NF2: variants seen among roughly 807,000 people sequenced by gnomAD.
NF2 encodes merlin.
NF2 carries 8 observed loss-of-function variants against 83.7 expected under a neutral mutation model. That is an observed-to-expected ratio of 0.10 (90% CI 0.06 to 0.17). NF2 has a LOEUF of 0.17. Ranked by LOEUF, NF2 falls within the 10% of genes least tolerant of loss-of-function variation. The pLI is 1.00. For synonymous variants in NF2, 266 were observed against 269.6 expected, an observed-to-expected ratio of 0.99 and a Z score of 0.13; for missense variants, 533 against 744.4, an observed-to-expected ratio of 0.72 and a Z score of 3.31.
intron 6 of NF2, among the ~76,000 whole-genome samples, chr22:29,656,548 A>G (rs2066316317): frequency 6.6e-6 from 1 of 150,638 alleles, no homozygotes; most frequent in Non-Finnish European, 1.5e-5. Context: ...AGTAGCTGGG[A>G]CTACAGGCAC....
chr22:29,607,020 G>T (rs2064815507), intron 1 of NF2, among the ~76,000 whole-genome samples: 1 of 152,070 alleles, frequency 6.6e-6, no homozygotes, highest in Non-Finnish European at 1.5e-5. Context: ...CTCCAGCCTG[G>T]GTGACAGTGA....
intron 9 of NF2, among the ~76,000 whole-genome samples, chr22:29,666,418 C>T (rs2066624820): frequency 1.3e-5 from 2 of 152,014 alleles, no homozygotes; most frequent in South Asian, 2.1e-4. Flanking sequence ...GGATTACAGG[C>T]GTGAGCCACT....
intron 10 of NF2, among the ~76,000 whole-genome samples, chr22:29,669,407 G>A (rs2066717392): frequency 6.6e-6 from 1 of 152,190 alleles, no homozygotes; most frequent in African/African-American, 2.4e-5. Context: ...ACTTTGGGAG[G>A]CCAAGGCAGG....
At position 29,668,451 on chromosome 22, in the gene NF2, G is replaced by A. The variant is rs188515579; in HGVS notation, c.999+5G>A. On this transcript the variant is annotated splice_donor_5th_base_variant and intron_variant, in intron 10 of 15. Coordinates refer to ENST00000338641, the MANE Select transcript of NF2 (RefSeq NM_000268.4). ...GAGGAGAAGGCTAGAAAGCAGGTGA[G>A]CACAACCTTGTTTTAACTGATGATG... The A allele has an allele frequency of 6.2e-7, 1 of 1,606,764 alleles. No homozygotes were observed. Among genetic ancestry groups the A allele is most frequent in the African/African-American group, 1.3e-5 (1 of 74,906 alleles).
At chr22:29,674,142 G>T (rs1239925627) in intron 12 of NF2, among the ~76,000 whole-genome samples, 4 of 152,218 alleles carry the variant, frequency 2.6e-5, no homozygotes, top group Non-Finnish European at 4.4e-5. Context: ...CTACCAAGGT[G>T]CATTCACTAC....
intron 10 of NF2, 121 bp downstream of exon 10, chr22:29,668,567 A>G (rs2066694659): frequency 1.4e-6 from 1 of 737,414 alleles, no homozygotes. Flanking sequence ...CTCTTGTTTT[A>G]TACCTTTTGG....
chr22:29,644,161 A>G (rs1361617837), intron 4 of NF2, among the ~76,000 whole-genome samples: 5 of 148,878 alleles, frequency 3.4e-5, no homozygotes, highest in East Asian at 2.0e-4. Flanking sequence ...CTCACTTCAC[A>G]GACGGGGCGG....
rs149362672 is a variant in NF2 at position 29,687,463 on chromosome 22, C to T, written c.1737+5862C>T. Among the ~76,000 whole-genome samples the T allele has an allele frequency of 1.1e-4, 16 of 152,218 alleles. No individual in the cohort carries two copies. The East Asian group carries it at 1.7e-3, about 17-fold the overall frequency. On this transcript the variant is annotated intron_variant, in intron 15 of 15. Coordinates refer to ENST00000338641, the MANE Select transcript of NF2 (RefSeq NM_000268.4). ...GAAGTAGAACAGTTAAAAAAACACC[C>T]GGGGAAGTGATAAATCACAGAGAGA...
Position 29,673,394 on chromosome 22 carries a change from G to A in NF2, c.1248G>A (p.Ala416=), listed in dbSNP as rs759993776. ...AAATGCAGCGCATCAAGGCCACAGCGATTCGCACGGAGGAGGAGAAGCGCC... is the reference window on the plus strand; with the variant it reads ...AAATGCAGCGCATCAAGGCCACAGCAATTCGCACGGAGGAGGAGAAGCGCC... ...EQEMQRIKAT[A]IRTEEEKRLM... is the part of the protein sequence containing the mutation. The change falls in exon 12 of 16, where the codon GCG becomes GCA. Residue 416 remains alanine (A), a synonymous_variant. Transcript: ENST00000338641. The A allele has an allele frequency of 3.0e-5, 48 of 1,612,048 alleles. No individual in the cohort carries two copies. The Admixed American group carries it at 3.0e-4, about 10-fold the overall frequency.
chr22:29,683,082 A>T (rs1201070056), intron 15 of NF2: 4 of 1,613,986 alleles, frequency 2.5e-6, no homozygotes, highest in Admixed American at 3.3e-5. Flanking sequence ...GTTCCCAGGT[A>T]CTCTCTATGT....
intron 15 of NF2, among the ~76,000 whole-genome samples, chr22:29,687,291 G>GAGGAAC (rs2067293182): frequency 6.6e-5 from 10 of 152,310 alleles, no homozygotes; most frequent in South Asian, 2.1e-4. Flanking sequence ...TCCAGCTGTG[G>GAGGAAC]TTTCCACTGA....
chr22:29,604,472 G>T (rs2064732599), intron 1 of NF2, among the ~76,000 whole-genome samples: 1 of 152,130 alleles, frequency 6.6e-6, no homozygotes, highest in Non-Finnish European at 1.5e-5. Context: ...CTTGTTTATT[G>T]GAAAGCCAAT....
chr22:29,605,276 T>A (rs1373129062), intron 1 of NF2, among the ~76,000 whole-genome samples: 1 of 152,038 alleles, frequency 6.6e-6, no homozygotes, highest in Admixed American at 6.6e-5. Context: ...GTGATTCTCC[T>A]GCTTCAGCCT....
intron 12 of NF2, 67 bp from the exon 13 acceptor site, chr22:29,674,769 T>G (rs553181672): frequency 7.2e-7 from 1 of 1,379,402 alleles, no homozygotes; most frequent in Non-Finnish European, 1.0e-6. Context: ...TCTGCAGGGG[T>G]GGGGTGGTGT....
chr22:29,636,630 C>T lies in NF2; in HGVS notation c.115-121C>T. 8.0e-7 allele frequency: 1 copy of T among 1,256,010 alleles called. No individual in the cohort carries two copies. 77.8% of individuals were successfully genotyped at this position (1,256,010 alleles called of 1,614,324 possible). A position where few individuals can be genotyped will look rare whatever the true frequency, so the allele number is the denominator to read the frequency against. ...CTTTAAAATTATTTAGGAATTCAGTCCTCATCAGCTGTCTTAGTGTCATCC... is the reference window on the plus strand; with the variant it reads ...CTTTAAAATTATTTAGGAATTCAGTTCTCATCAGCTGTCTTAGTGTCATCC... On this transcript the variant is annotated intron_variant, in intron 1 of 15. Coordinates refer to ENST00000338641, the MANE Select transcript of NF2 (RefSeq NM_000268.4). The surrounding 1 kb of genome is among the most constrained non-coding windows in gnomAD (Gnocchi z 4.4).
At chr22:29,687,460 A>C (rs1240003123) in intron 15 of NF2, among the ~76,000 whole-genome samples, 1 of 152,112 alleles carries the variant, frequency 6.6e-6, no homozygotes. Context: ...TTAAAAAAAC[A>C]CCCGGGGAAG....
At chr22:29,622,717 G>A (rs1039581535) in intron 1 of NF2, among the ~76,000 whole-genome samples, 11 of 139,168 alleles carry the variant, frequency 7.9e-5, no homozygotes, top group Admixed American at 3.8e-4. Flanking sequence ...GTGCAGTGGC[G>A]TGATCTCTGC....
intron 7 of NF2, among the ~76,000 whole-genome samples, chr22:29,660,043 C>T (rs1212668857): frequency 1.3e-5 from 2 of 152,168 alleles, no homozygotes; most frequent in Non-Finnish European, 2.9e-5. Flanking sequence ...TTTTTCTGCC[C>T]TTGAGTCTTG....
At chr22:29,665,763 A>G (rs2066604165) in intron 9 of NF2, among the ~76,000 whole-genome samples, 1 of 151,608 alleles carries the variant, frequency 6.6e-6, no homozygotes, top group African/African-American at 2.4e-5. Context: ...AGGAAAAAAA[A>G]AAAAAAAGAA....
Sources: allele counts gnomAD v4.1 joint callset (sites outside exome capture counted in the v4.1 genomes callset), GRCh38; gene constraint gnomAD v4.1.1; non-coding constraint Gnocchi (gnomAD v3.1); transcripts MANE v1.5; gene names NCBI Gene and HGNC (gene_info 2026-07-23, HGNC 2026-07-21).